The following ARHGAP42 variants were observed in gnomAD, a reference collection of about 807,000 sequenced individuals.
The protein encoded by ARHGAP42 is Rho GTPase activating protein 42.
ARHGAP42 carries 63 observed loss-of-function variants against 125.0 expected under a neutral mutation model. The ratio of observed to expected loss-of-function variants is 0.50; its 90% confidence interval spans 0.41 to 0.62. The LOEUF is 0.62. Among genes scored for constraint, ARHGAP42 ranks in the 20% least tolerant of loss-of-function variants. The pLI is 0.00. For synonymous variants in ARHGAP42, 339 were observed against 351.0 expected, an observed-to-expected ratio of 0.97 and a Z score of 0.38; for missense variants, 766 against 1,024.2, an observed-to-expected ratio of 0.75 and a Z score of 3.44.
intron 1 of ARHGAP42, among the ~76,000 whole-genome samples, chr11:100,740,695 G>T (rs1862165701): frequency 6.6e-6 from 1 of 152,198 alleles, no homozygotes; most frequent in Non-Finnish European, 1.5e-5. Flanking sequence ...AAGCGATGGG[G>T]TAGGTACATT....
At chr11:100,929,706 T>C (rs1867523224) in intron 6 of ARHGAP42, among the ~76,000 whole-genome samples, 1 of 152,242 alleles carries the variant, frequency 6.6e-6, no homozygotes, top group South Asian at 2.1e-4. Context: ...ATATTTTCTT[T>C]CAAGAAATGC....
intron 3 of ARHGAP42, among the ~76,000 whole-genome samples, chr11:100,809,285 C>T (rs190315808): frequency 6.6e-6 from 1 of 152,280 alleles, no homozygotes; most frequent in East Asian, 1.9e-4. Flanking sequence ...AGGAGAGGCT[C>T]TGATTGGCCC....
chr11:100,956,595 AAATAT>A (rs10604932), intron 12 of ARHGAP42, among the ~76,000 whole-genome samples: 133,719 of 151,658 alleles, frequency 0.88, 59,038 homozygotes, highest in East Asian at 1. Context: ...GGGTGCTGAG[AAATAT>A]AATCTTCTTG....
intron 2 of ARHGAP42, among the ~76,000 whole-genome samples, chr11:100,793,883 CA>C (rs1360432253): frequency 6.6e-6 from 1 of 151,640 alleles, no homozygotes; most frequent in Non-Finnish European, 1.5e-5. Flanking sequence ...ACCATCTGGG[CA>C]ACATAGTGAG....
At chr11:100,824,521 G>A (rs1025276818) in intron 3 of ARHGAP42, among the ~76,000 whole-genome samples, 2 of 152,120 alleles carry the variant, frequency 1.3e-5, no homozygotes, top group Non-Finnish European at 2.9e-5. Context: ...TCCCGAATAC[G>A]GATCTAGGAA....
chr11:100,852,990 A>T (rs1209486931), intron 3 of ARHGAP42, among the ~76,000 whole-genome samples: 2 of 152,186 alleles, frequency 1.3e-5, no homozygotes, highest in South Asian at 4.1e-4. Flanking sequence ...TCAGGGTGCA[A>T]CATTTCTTAA....
intron 1 of ARHGAP42, among the ~76,000 whole-genome samples, chr11:100,743,396 A>C (rs765722174): frequency 1.3e-5 from 2 of 152,210 alleles, no homozygotes; most frequent in Non-Finnish European, 2.9e-5. Context: ...ATAGGACCCC[A>C]ATCTTCTGGT....
intron 12 of ARHGAP42, among the ~76,000 whole-genome samples, chr11:100,956,372 C>T (rs564311909): frequency 1.3e-5 from 2 of 152,218 alleles, no homozygotes; most frequent in African/African-American, 4.8e-5. Flanking sequence ...AGTACATGTC[C>T]ATATAGGTCA....
chr11:100,939,962 T>A (rs1867832201), intron 8 of ARHGAP42, among the ~76,000 whole-genome samples: 1 of 152,236 alleles, frequency 6.6e-6, no homozygotes, highest in Non-Finnish European at 1.5e-5. Flanking sequence ...ATGAAGTCAC[T>A]ACATACGAGA....
chr11:100,703,252 C>T (rs771285061), intron 1 of ARHGAP42, among the ~76,000 whole-genome samples: 10 of 152,140 alleles, frequency 6.6e-5, no homozygotes, highest in Admixed American at 5.2e-4. Context: ...TGCCACTAAC[C>T]AGTATTATGG....
At chr11:100,970,707 C>T (rs75945166) in intron 17 of ARHGAP42, among the ~76,000 whole-genome samples, 2,142 of 152,210 alleles carry the variant, frequency 0.014, 52 homozygotes, top group African/African-American at 0.049. Flanking sequence ...ATGGACTCTA[C>T]CCCCTCTGGG....
At chr11:100,887,320 G>A (rs1646383826) in intron 4 of ARHGAP42, among the ~76,000 whole-genome samples, 1 of 152,096 alleles carries the variant, frequency 6.6e-6, no homozygotes, top group Admixed American at 6.5e-5. Flanking sequence ...AGTGGAAATT[G>A]AGCCCTGGTT....
At chr11:100,926,263 A>G (rs1867419172) in intron 6 of ARHGAP42, among the ~76,000 whole-genome samples, 1 of 152,180 alleles carries the variant, frequency 6.6e-6, no homozygotes, top group African/African-American at 2.4e-5. Context: ...CAGCATTATT[A>G]TGAAGTAGTT....
At chr11:100,893,321 G>A (rs1315733362) in intron 4 of ARHGAP42, among the ~76,000 whole-genome samples, 1 of 152,032 alleles carries the variant, frequency 6.6e-6, no homozygotes, top group Admixed American at 6.6e-5. Flanking sequence ...GATATGGAGA[G>A]AAAATATTTG....
chr11:100,692,687 A>G (rs528342905), intron 1 of ARHGAP42, among the ~76,000 whole-genome samples: 6 of 152,214 alleles, frequency 3.9e-5, no homozygotes, highest in Non-Finnish European at 8.8e-5. Context: ...GATGTGGACA[A>G]TGCAGTCAGT....
Position 100,965,652 on chromosome 11 carries a change from A to T in ARHGAP42, c.1445-19A>T. On this transcript the variant is annotated intron_variant, in intron 16 of 23. Transcript: ENST00000298815. ...ATGGAATTAAAACTTGAGCATTTGCAATCTTTTTTATGTAACAGAATCTGA... is the reference window on the plus strand; with the variant it reads ...ATGGAATTAAAACTTGAGCATTTGCTATCTTTTTTATGTAACAGAATCTGA... 1 of 1,542,414 alleles carries T rather than the reference A, an allele frequency of 6.5e-7. No homozygotes were observed. The highest frequency in any genetic ancestry group is 1.2e-5 in the South Asian group (1 of 83,756).
intron 3 of ARHGAP42, among the ~76,000 whole-genome samples, chr11:100,823,917 G>A (rs1163915653): frequency 6.6e-6 from 1 of 152,070 alleles, no homozygotes; most frequent in South Asian, 2.1e-4. Context: ...TAAAGGTTAT[G>A]TCATTATTGA....
chr11:100,872,645 A>G (rs1393489892), intron 4 of ARHGAP42, among the ~76,000 whole-genome samples: 1 of 152,092 alleles, frequency 6.6e-6, no homozygotes, highest in Non-Finnish European at 1.5e-5. Flanking sequence ...TGTCCGCCTC[A>G]GCCTCCCAAA....
intron 4 of ARHGAP42, among the ~76,000 whole-genome samples, chr11:100,882,644 C>T (rs925179531): frequency 6.6e-6 from 1 of 151,912 alleles, no homozygotes; most frequent in Non-Finnish European, 1.5e-5. Flanking sequence ...CTCTTTCTCT[C>T]TCTTGTGGAA....
Sources: allele counts gnomAD v4.1 joint callset (sites outside exome capture counted in the v4.1 genomes callset), GRCh38; gene constraint gnomAD v4.1.1; transcripts MANE v1.5; gene names NCBI Gene and HGNC (gene_info 2026-07-23, HGNC 2026-07-21).